TGM6: variants seen among roughly 807,000 people sequenced by gnomAD.
TGM6 encodes the protein transglutaminase 6.
Under a neutral mutation model 77.5 loss-of-function variants are expected in TGM6, and 74 were observed. The ratio of observed to expected loss-of-function variants is 0.96; its 90% CI spans 0.79 to 1.16. The LOEUF (loss-of-function observed/expected upper bound fraction) is 1.16. TGM6 is among the 50% of genes most tolerant of loss of function. The pLI, the probability that TGM6 is intolerant of heterozygous loss-of-function variation, is 0.00. For missense variants in TGM6, 968 were observed against 940.2 expected, an observed-to-expected ratio of 1.03 and a Z score of -0.39; for synonymous variants, 383 against 378.9, an observed-to-expected ratio of 1.01 and a Z score of -0.12.
chr20:2,384,575 C>A (rs904153615), intron 1 of TGM6, among the ~76,000 whole-genome samples: 1 of 152,146 alleles, frequency 6.6e-6, no homozygotes, highest in African/African-American at 2.4e-5. Context: ...ATCCTCCCAA[C>A]GTGAGGAAGC....
intron 2 of TGM6, 48 bp downstream of exon 2, chr20:2,394,673 C>A: frequency 6.4e-7 from 1 of 1,559,438 alleles, no homozygotes; most frequent in East Asian, 2.4e-5. Context: ...CTGGAGGGAC[C>A]TGTCTTATGA....
intron 9 of TGM6, among the ~76,000 whole-genome samples, chr20:2,412,428 T>C (rs1335283688): frequency 1.3e-5 from 2 of 152,132 alleles, no homozygotes; most frequent in Non-Finnish European, 2.9e-5. Flanking sequence ...TACACAACAA[T>C]ATGAATGTAC....
chr20:2,389,425 C>T (rs116631327), intron 1 of TGM6, among the ~76,000 whole-genome samples: 7 of 152,266 alleles, frequency 4.6e-5, no homozygotes, highest in African/African-American at 1.4e-4. Context: ...AAATTCCTGA[C>T]CCACAAAAAC....
intron 10 of TGM6, among the ~76,000 whole-genome samples, chr20:2,418,595 A>T (rs988524824): frequency 1.3e-5 from 2 of 152,214 alleles, no homozygotes; most frequent in African/African-American, 2.4e-5. Context: ...ACATTTACTC[A>T]GCTGATGCAA....
intron 10 of TGM6, among the ~76,000 whole-genome samples, chr20:2,430,143 C>G (rs915842417): frequency 6.6e-6 from 1 of 151,948 alleles, no homozygotes; most frequent in African/African-American, 2.4e-5. Context: ...GTAGGGAAAG[C>G]TTGGAAACAT....
chr20:2,412,729 T>C (rs1043981737), intron 9 of TGM6, among the ~76,000 whole-genome samples: 2 of 152,150 alleles, frequency 1.3e-5, no homozygotes. Context: ...GATTTCTAGA[T>C]ACTGGCAATG....
At position 2,400,287 on chromosome 20, in the gene TGM6, G is replaced by A. The variant is rs79778733; in HGVS notation, c.851-19G>A. ...CAGGGGCCAGGGTCCCGCCTGCTCC[G>A]AGCCTCTCTGCTCTGCAGTCCTCAG... On this transcript the variant is annotated intron_variant, in intron 6 of 12. Transcript: ENST00000202625. The A allele has an allele frequency of 5.3e-4, 860 of 1,613,994 alleles. 2 individuals carry two copies. The African/African-American group carries it at 1.0e-2, about 19-fold the overall frequency.
chr20:2,404,822 G>A (rs1023585404), intron 9 of TGM6, among the ~76,000 whole-genome samples: 12 of 152,084 alleles, frequency 7.9e-5, no homozygotes, highest in African/African-American at 2.9e-4. Context: ...TGTATTTTTA[G>A]TAGAGACGGG....
At chr20:2,388,635 A>AC (rs1025988650) in intron 1 of TGM6, among the ~76,000 whole-genome samples, 2 of 151,710 alleles carry the variant, frequency 1.3e-5, no homozygotes, top group African/African-American at 4.8e-5. Flanking sequence ...AAACAAAAAA[A>AC]AACAGGCTGT....
Position 2,417,512 on chromosome 20 carries a change from C to G in TGM6, c.1617C>G (p.Thr539=). Residue 539 remains threonine, a synonymous_variant, in exon 10 of 13, where the codon ACC becomes ACG. Transcript: ENST00000202625. ...TGAGCGGTGCCACCATCCTCTATAC[C>G]CGCAAGCCAGTGGCAGAGATCCTGC... is the stretch of plus-strand genomic sequence containing the variant. ...VNLSGATILY[T]RKPVAEILHE... is the part of the protein sequence containing the mutation. The G allele has an allele frequency of 6.2e-7, 1 of 1,607,432 alleles. No homozygotes were observed. The highest frequency in any genetic ancestry group is 8.5e-7 in the Non-Finnish European group (1 of 1,179,904).
At chr20:2,412,253 G>T (rs6048788) in intron 9 of TGM6, among the ~76,000 whole-genome samples, 42,227 of 152,046 alleles carry the variant, frequency 0.28, 7,954 homozygotes, top group African/African-American at 0.53. Flanking sequence ...TATTCTATGA[G>T]GCCGCTTATA....
intron 10 of TGM6, among the ~76,000 whole-genome samples, chr20:2,430,219 C>G (rs904229808): frequency 2.1e-4 from 32 of 152,276 alleles, no homozygotes; most frequent in African/African-American, 7.2e-4. Context: ...TTGACTCCCA[C>G]CTCATCTTAA....
chr20:2,404,073 C>T (rs2084733658), intron 9 of TGM6, among the ~76,000 whole-genome samples: 1 of 152,230 alleles, frequency 6.6e-6, no homozygotes, highest in South Asian at 2.1e-4. Flanking sequence ...GCTACATCTC[C>T]TTGAACACTT....
At chr20:2,381,196 G>A (rs2084552351) in intron 1 of TGM6, among the ~76,000 whole-genome samples, 1 of 152,138 alleles carries the variant, frequency 6.6e-6, no homozygotes, top group Non-Finnish European at 1.5e-5. Flanking sequence ...TGGCTCAGGC[G>A]CTGTCTCCTG....
chr20:2,384,202 TGGTGG>T (rs745969242), intron 1 of TGM6, among the ~76,000 whole-genome samples: 239 of 152,210 alleles, frequency 1.6e-3, no homozygotes, highest in Non-Finnish European at 2.2e-3. Flanking sequence ...ACGTTGATCC[TGGTGG>T]AAGCCCATTG....
rs747702159 is a variant in TGM6 at position 2,431,028 on chromosome 20, G to A, written c.1967+1G>A. 65 of 1,613,874 alleles carry A rather than the reference G, an allele frequency of 4.0e-5. No individual in the cohort carries two copies. Among genetic ancestry groups the A allele is most frequent in the Non-Finnish European group, 5.3e-5 (62 of 1,179,974 alleles). ...TTCTCCAGGAACAGCTCAGCATCGAGTAAGTGCCAGCCTGGGGGGCTGGCA... is the reference window on the plus strand; with the variant it reads ...TTCTCCAGGAACAGCTCAGCATCGAATAAGTGCCAGCCTGGGGGGCTGGCA... On this transcript the variant is annotated splice_donor_variant, in intron 12 of 12. Coordinates refer to ENST00000202625, the MANE Select transcript of TGM6 (RefSeq NM_198994.3). LOFTEE classifies it high-confidence loss of function.
chr20:2,420,201 C>T lies in TGM6; in HGVS notation c.1678+2628C>T, dbSNP rs185331625. 2.5e-3 allele frequency among the ~76,000 whole-genome samples: 376 copies of T among 151,996 alleles called. 2 individuals are homozygous for T. The highest frequency in any genetic ancestry group is 8.4e-3 in the African/African-American group (349 of 41,432). ...CAGAGCTTGCAGTGAGCCGAGATCG[C>T]GCCACTGCACTCCAGCCTGGGCAAC... On this transcript the variant is annotated intron_variant, in intron 10 of 12. Transcript: ENST00000202625.
chr20:2,428,025 G>A (rs1402778073), intron 10 of TGM6, among the ~76,000 whole-genome samples: 2 of 152,046 alleles, frequency 1.3e-5, no homozygotes, highest in African/African-American at 2.4e-5. Flanking sequence ...TTAATCCCTA[G>A]GTATTTTAGA....
Position 2,395,326 on chromosome 20 carries a change from C to G in TGM6, c.314C>G (p.Pro105Arg), listed in dbSNP as rs1344580714. ...KTLTVSLASP[P>R]SAVIGRYLLS... The stretch of plus-strand genomic sequence containing the variant: ...CTGACCGTCAGTCTCGCCAGCCCTC[C>G]CAGTGCTGTCATTGGCCGCTACCTG... The change falls in exon 3 of 13, where the codon CCC becomes CGC. Residue 105 changes from proline to arginine, a missense_variant. Coordinates refer to ENST00000202625, the MANE Select transcript of TGM6 (RefSeq NM_198994.3). 6.2e-7 allele frequency: 1 copy of G among 1,614,250 alleles called. No individual in the cohort carries two copies. The highest frequency in any genetic ancestry group is 1.1e-5 in the South Asian group (1 of 91,092).
Sources: allele counts gnomAD v4.1 joint callset (sites outside exome capture counted in the v4.1 genomes callset), GRCh38; gene constraint gnomAD v4.1.1; transcripts MANE v1.5; gene names NCBI Gene and HGNC (gene_info 2026-07-23, HGNC 2026-07-21).